Variants in MYORG observed in about 807,000 individuals in gnomAD.
MYORG encodes alpha-galactosidase MYORG.
Under a neutral mutation model 49.8 loss-of-function variants are expected in MYORG, and 45 were observed. The observed-to-expected ratio is 0.90, with a 90% CI of 0.71 to 1.16. The LOEUF (loss-of-function observed/expected upper bound fraction) is 1.16. Ranked by LOEUF, MYORG falls within the 50% of genes most tolerant of loss-of-function variation. The pLI, the probability that MYORG is intolerant of heterozygous loss-of-function variation, is 0.00. For missense variants in MYORG, 1,110 were observed against 1,026.5 expected, an observed-to-expected ratio of 1.08 and a Z score of -1.11; for synonymous variants, 552 against 462.9, an observed-to-expected ratio of 1.19 and a Z score of -2.47.
chr9:34,374,901 C>CAAAAA (rs10651045), intron 1 of MYORG, among the ~76,000 whole-genome samples: 1,545 of 121,536 alleles, frequency 0.013, 34 homozygotes, highest in African/African-American at 0.033. Context: ...GACCCTATCT[C>CAAAAA]AAAAAAAAAA....
At chr9:34,373,359 C>T (rs1172646877) in intron 1 of MYORG, among the ~76,000 whole-genome samples, 1 of 152,102 alleles carries the variant, frequency 6.6e-6, no homozygotes, top group Non-Finnish European at 1.5e-5. Flanking sequence ...TGGGGCCGTT[C>T]GGGCTGAAGA....
intron 1 of MYORG, among the ~76,000 whole-genome samples, chr9:34,373,458 G>A (rs1476292390): frequency 6.6e-6 from 1 of 152,070 alleles, no homozygotes; most frequent in East Asian, 1.9e-4. Context: ...AGCTCCTTGA[G>A]ACTTTTTTTT....
rs1018205342 is a variant in MYORG at position 34,376,509 on chromosome 9, G to A, written c.-64+284C>T. Among the ~76,000 whole-genome samples, 4 of 152,190 alleles carry A rather than the reference G, an allele frequency of 2.6e-5. No homozygotes were observed. The highest frequency in any genetic ancestry group is 5.9e-5 in the Non-Finnish European group (4 of 68,024). Reference sequence around the variant, plus strand: ...GGAAATGTCAAAGGCAACTCGATCCGGCCCATCTCCCTCTCCTGCCAGGCG... The same window carrying A: ...GGAAATGTCAAAGGCAACTCGATCCAGCCCATCTCCCTCTCCTGCCAGGCG... On this transcript the variant is annotated intron_variant, in intron 1 of 1. Transcript: ENST00000297625. This position sits in a 1 kb window ranked among gnomAD's most constrained non-coding sequence, Gnocchi z 4.4.
rs1563982817 is a variant in MYORG, at chr9:34,372,603, G to C, written c.341C>G (p.Ala114Gly). Reference protein sequence around the residue: ...NQKGEQVFRLAFRSGALDLDS... With the variant: ...NQKGEQVFRLGFRSGALDLDS... ...AAGGTCCAGCGCGCCGGAGCGGAAG[G>C]CCAGGCGGAAGACCTGCTCTCCCTT... The change falls in exon 2 of 2, where the codon GCC becomes GGC. Residue 114 changes from alanine (A) to glycine (G), a missense_variant. By Grantham distance (60) the Ala-to-Gly change is moderately conservative (BLOSUM62 0). Transcript: ENST00000297625. The C allele has an allele frequency of 1.2e-6, 2 of 1,604,420 alleles. No individual in the cohort carries two copies. The highest frequency in any genetic ancestry group is 2.2e-5 in the South Asian group (2 of 89,632).
chr9:34,372,872 AC>A lies in MYORG; in HGVS notation c.71del (p.Arg24LeufsTer31). The A allele has an allele frequency of 6.2e-7, 1 of 1,613,936 alleles. No homozygotes were observed. The highest frequency in any genetic ancestry group is 1.6e-4 in the Middle Eastern group (1 of 6,062). On this transcript the variant is annotated frameshift_variant, in exon 2 of 2. Coordinates refer to ENST00000297625, the MANE Select transcript of MYORG (RefSeq NM_020702.5). LOFTEE classifies it high-confidence loss of function. The stretch of plus-strand genomic sequence containing the variant: ...CGGCTGCGATGGCCTCGGGGTTCTG[AC>A]GGTATGCGTAGCAGCCAGGCCGGCG... ...RRRRPGCYAY[R>X]QNPEAIAAAA... is the part of the protein sequence containing the mutation.
At position 34,372,439 on chromosome 9, in the gene MYORG, CCGGCGCTG is replaced by C; in HGVS notation, c.497_504del (p.Ala166GlyfsTer73). The C allele has an allele frequency of 6.3e-7, 1 of 1,580,574 alleles. No individual in the cohort carries two copies. The highest frequency in any genetic ancestry group is 8.6e-7 in the Non-Finnish European group (1 of 1,164,446). ...AACATGGCGTGCTCCACGGCCCGGCCCGGCGCTGCCTCCTCCCAGCGCACGCGGTAGCA... is the reference window on the plus strand; with the variant it reads ...AACATGGCGTGCTCCACGGCCCGGCCCCTCCTCCCAGCGCACGCGGTAGCA... On this transcript the variant is annotated frameshift_variant, in exon 2 of 2. Coordinates refer to ENST00000297625, the MANE Select transcript of MYORG (RefSeq NM_020702.5). LOFTEE classifies it high-confidence loss of function.
chr9:34,368,547 A>G lies in MYORG; in HGVS notation c.*2252T>C, dbSNP rs1227388170. The G allele has an allele frequency of 6.6e-6, 1 of 152,254 alleles. No homozygotes were observed. The highest frequency in any genetic ancestry group is 1.5e-5 in the Non-Finnish European group (1 of 68,096). 9.4% of individuals were successfully genotyped at this position (152,254 alleles called of 1,614,324 possible). ...TCTCCCTCGAGTTCAAAGTTCCACA[A>G]ATCTCTAGGGCAGGGGCAAAATGCA... On this transcript the variant is annotated 3_prime_UTR_variant, in exon 2 of 2. Transcript: ENST00000297625.
In MYORG at chr9:34,371,338, G is replaced by C. The variant is rs774152149; in HGVS notation, c.1606C>G (p.Pro536Ala). 3 of 1,612,864 alleles carry C rather than the reference G, an allele frequency of 1.9e-6. No individual in the cohort carries two copies. Among genetic ancestry groups the C allele is most frequent in the South Asian group, 1.1e-5 (1 of 90,952 alleles). Residue 536 changes from proline to alanine, a missense_variant, in exon 2 of 2, where the codon CCC (proline) becomes GCC (alanine). Physicochemically the swap from Pro to Ala is conservative, Grantham distance 27. Transcript: ENST00000297625. ...GYDLGLRSLI[P>A]AVLTVSMLGY... is the part of the protein sequence containing the mutation. ...AGCATGCTGACGGTGAGCACCGCGG[G>C]GATGAGTGAGCGCAACCCCAGGTCG... is the stretch of plus-strand genomic sequence containing the variant.
chr9:34,371,341 T>C lies in MYORG; in HGVS notation c.1603A>G (p.Ile535Val), dbSNP rs1200499384. 2 of 1,612,898 alleles carry C rather than the reference T, an allele frequency of 1.2e-6. No homozygotes were observed. Among genetic ancestry groups the C allele is most frequent in the African/African-American group, 2.7e-5 (2 of 74,996 alleles). ...WGYDLGLRSL[I>V]PAVLTVSMLG... Reference sequence around the variant, plus strand: ...ATGCTGACGGTGAGCACCGCGGGGATGAGTGAGCGCAACCCCAGGTCGTAG... The same window carrying C: ...ATGCTGACGGTGAGCACCGCGGGGACGAGTGAGCGCAACCCCAGGTCGTAG... Residue 535 changes from isoleucine to valine, a missense_variant, in exon 2 of 2, where the codon ATC becomes GTC. Transcript: ENST00000297625.
rs757434146 is a variant in MYORG at position 34,372,249 on chromosome 9, G to T, written c.695C>A (p.Ser232Ter). Reference protein sequence around the residue: ...GGILERYWLSSRAAAIKVNDS... With the variant: ...GGILERYWLS Reference sequence around the variant, plus strand: ...ATTGACTTTGATGGCGGCCGCGCGCGAAGATAGCCAGTAGCGCTCGAGGAT... The same window carrying T: ...ATTGACTTTGATGGCGGCCGCGCGCTAAGATAGCCAGTAGCGCTCGAGGAT... The change falls in exon 2 of 2, where the codon TCG (serine) becomes TAG (stop). Residue 232 changes from serine to a stop codon, truncating the protein, a stop_gained. Transcript: ENST00000297625. LOFTEE classifies it high-confidence loss of function. 1.4e-5 allele frequency: 22 copies of T among 1,610,594 alleles called. No homozygotes were observed. Among genetic ancestry groups the T allele is most frequent in the East Asian group, 2.2e-5 (1 of 44,776 alleles).
chr9:34,371,736 C>G lies in MYORG; in HGVS notation c.1208G>C (p.Gly403Ala). The part of the protein sequence containing the change: ...PFVNYNSSRF[G>A]EGVERELFVR... ...GAACAGCTCGCGCTCCACGCCCTCG[C>G]CGAAGCGCGACGAGTTGTAGTTGAC... Residue 403 changes from glycine to alanine, a missense_variant, in exon 2 of 2, where the codon GGC becomes GCC. Gly to Ala is a moderately conservative substitution (Grantham distance 60). Transcript: ENST00000297625. 2 of 1,612,824 alleles carry G rather than the reference C, an allele frequency of 1.2e-6. No individual in the cohort carries two copies. The highest frequency in any genetic ancestry group is 1.7e-6 in the Non-Finnish European group (2 of 1,179,428).
rs2131878793 is a variant in MYORG at position 34,371,475 on chromosome 9, T to C, written c.1469A>G (p.Tyr490Cys). 6.2e-7 allele frequency: 1 copy of C among 1,612,268 alleles called. No individual in the cohort carries two copies. The highest frequency in any genetic ancestry group is 8.5e-7 in the Non-Finnish European group (1 of 1,179,738). ...LPDPSVWSRRYTEMALPFFSL... is the reference protein window; with the variant it reads ...LPDPSVWSRRCTEMALPFFSL... ...GAAGAAGGGCAGCGCCATCTCAGTGTAGCGCCGGCTCCAGACGCTGGGGTC... is the reference window on the plus strand; with the variant it reads ...GAAGAAGGGCAGCGCCATCTCAGTGCAGCGCCGGCTCCAGACGCTGGGGTC... Residue 490 changes from tyrosine to cysteine, a missense_variant, in exon 2 of 2, where the codon TAC (tyrosine) becomes TGC (cysteine). Tyr to Cys is a radical substitution (Grantham distance 194). Transcript: ENST00000297625.
intron 1 of MYORG, among the ~76,000 whole-genome samples, chr9:34,373,474 A>G (rs1820674857): frequency 6.6e-6 from 1 of 151,894 alleles, no homozygotes; most frequent in Non-Finnish European, 1.5e-5. Context: ...TTTTTTTGAA[A>G]TGGAGTCTCT....
rs1820595057 is a variant in MYORG, at chr9:34,371,427, C to G, written c.1517G>C (p.Gly506Ala). The G allele has an allele frequency of 6.2e-7, 1 of 1,612,998 alleles. No individual in the cohort carries two copies. The highest frequency in any genetic ancestry group is 1.3e-5 in the African/African-American group (1 of 74,936). Residue 506 changes from glycine (G) to alanine (A), a missense_variant, in exon 2 of 2, where the codon GGC (glycine) becomes GCC (alanine). Coordinates refer to ENST00000297625, the MANE Select transcript of MYORG (RefSeq NM_020702.5). ...PFFSLAEVRVGYQSQNISCFF... is the reference protein window; with the variant it reads ...PFFSLAEVRVAYQSQNISCFF... The stretch of plus-strand genomic sequence containing the variant: ...GCAGGAGATGTTCTGTGACTGGTAG[C>G]CTACGCGCACCTCCGCCAGCGAGAA...
In MYORG at chr9:34,370,838, G is replaced by A. The variant is rs1175058141; in HGVS notation, c.2106C>T (p.Val702=). 6.3e-7 allele frequency: 1 copy of A among 1,598,306 alleles called. No individual in the cohort carries two copies. The highest frequency in any genetic ancestry group is 8.6e-7 in the Non-Finnish European group (1 of 1,167,852). The change falls in exon 2 of 2, where the codon GTC becomes GTT. Residue 702 remains valine, a synonymous_variant. Coordinates refer to ENST00000297625, the MANE Select transcript of MYORG (RefSeq NM_020702.5). The stretch of plus-strand genomic sequence containing the variant: ...TAAAGTAGGCGATCTCATCCAGGTC[G>A]ACCGGGTAATCGGTGAGCAGCACCG... ...KTPVLLTDYP[V]DLDEIAYFTW... is the part of the protein sequence containing the mutation.
At position 34,372,130 on chromosome 9, in the gene MYORG, CGGCGGGT is replaced by C; in HGVS notation, c.807_813del (p.Pro270AlafsTer8). 6.2e-7 allele frequency: 1 copy of C among 1,612,118 alleles called. No homozygotes were observed. Among genetic ancestry groups the C allele is most frequent in the South Asian group, 1.1e-5 (1 of 91,060 alleles). On this transcript the variant is annotated frameshift_variant, in exon 2 of 2. Transcript: ENST00000297625. LOFTEE classifies it high-confidence loss of function. ...CTCAGCTCTGGCGCTGCGGCGCGGC[CGGCGGGT>C]GGCTTGTAGGGCGTGTCGTGGTAGC...
At position 34,372,549 on chromosome 9, in the gene MYORG, AG is replaced by A; in HGVS notation, c.394del (p.Leu132TrpfsTer60). ...LDSCSRDGALLGCSLTADGLP... is the reference protein window; with the variant it reads ...LDSCSRDGALXGCSLTADGLP... ...CCCGTCGGCCGTGAGCGAGCAGCCC[AG>A]CAGGGCGCCATCGCGGCTGCAGGAG... On this transcript the variant is annotated frameshift_variant, in exon 2 of 2. Coordinates refer to ENST00000297625, the MANE Select transcript of MYORG (RefSeq NM_020702.5). LOFTEE classifies it high-confidence loss of function. 1.2e-6 allele frequency: 2 copies of A among 1,602,696 alleles called. No homozygotes were observed. Among genetic ancestry groups the A allele is most frequent in the Non-Finnish European group, 1.7e-6 (2 of 1,175,454 alleles).
In MYORG at chr9:34,376,023, G is replaced by T. The variant is rs116240782; in HGVS notation, c.-64+770C>A. Among the ~76,000 whole-genome samples, 750 of 152,324 alleles carry T rather than the reference G, an allele frequency of 4.9e-3. 5 individuals carry two copies. Among genetic ancestry groups the T allele is most frequent in the African/African-American group, 0.017 (705 of 41,576 alleles). On this transcript the variant is annotated intron_variant, in intron 1 of 1. Coordinates refer to ENST00000297625, the MANE Select transcript of MYORG (RefSeq NM_020702.5). This position sits in a 1 kb window ranked among gnomAD's most constrained non-coding sequence, Gnocchi z 4.4. Reference sequence around the variant, plus strand: ...AAATCCCAGCCCAGCTCTCCACAGTGTAAGTTTTAGGAGATGGGAGATAAT... The same window carrying T: ...AAATCCCAGCCCAGCTCTCCACAGTTTAAGTTTTAGGAGATGGGAGATAAT...
Position 34,372,893 on chromosome 9 carries a change from C to CCGG in MYORG, c.48_50dup (p.Arg17dup). The CCGG allele has an allele frequency of 2.5e-6, 4 of 1,613,606 alleles. No homozygotes were observed. Among genetic ancestry groups the CCGG allele is most frequent in the Non-Finnish European group, 3.4e-6 (4 of 1,179,618 alleles). On this transcript the variant is annotated inframe_insertion, in exon 2 of 2. Coordinates refer to ENST00000297625, the MANE Select transcript of MYORG (RefSeq NM_020702.5). ...TCTGACGGTATGCGTAGCAGCCAGG[C>CCGG]CGGCGGCGGCGGGGGTAGGCCTGGC...
Sources: allele counts gnomAD v4.1 joint callset (sites outside exome capture counted in the v4.1 genomes callset), GRCh38; gene constraint gnomAD v4.1.1; non-coding constraint Gnocchi (gnomAD v3.1); transcripts MANE v1.5; gene names NCBI Gene and HGNC (gene_info 2026-07-23, HGNC 2026-07-21).